PCM1: variants seen among roughly 807,000 people sequenced by gnomAD.
The protein encoded by PCM1 is pericentriolar material 1 protein.
PCM1 carries 157 observed loss-of-function variants against 241.9 expected under a neutral mutation model. That is an observed-to-expected ratio of 0.65 (90% confidence interval 0.57 to 0.74). The LOEUF is 0.74. Among genes scored for constraint, PCM1 ranks in the 30% least tolerant of loss-of-function variants. The pLI is 0.00. For missense variants in PCM1, 3,478 were observed against 2,360.1 expected (o/e 1.47, Z -9.81); for synonymous variants, 1,085 against 784.9 (o/e 1.38, Z -6.39).
chr8:17,955,956 T>A (rs1241604771), intron 10 of PCM1: 1 of 383,358 alleles, frequency 2.6e-6, no homozygotes, highest in Non-Finnish European at 4.9e-6. Flanking sequence ...GGCTGTAGAA[T>A]CAGACAGCCC....
Position 17,990,022 on chromosome 8 carries a change from A to T in PCM1, c.4531+43A>T, listed in dbSNP as rs1300952438. On this transcript the variant is annotated intron_variant, in intron 27 of 38. Coordinates refer to ENST00000325083, the MANE Select transcript of PCM1 (RefSeq NM_006197.4). ...TAATCTTAGAAACAACTTTAAGTTG[A>T]TCTGGTCCAGTCTTTGAATTGGCGT... 31 of 1,466,740 alleles carry T rather than the reference A, an allele frequency of 2.1e-5. No individual in the cohort carries two copies. The Admixed American group carries it at 7.6e-4, about 36-fold the overall frequency. 90.9% of individuals were successfully genotyped at this position (1,466,740 alleles called of 1,614,324 possible).
chr8:17,975,838 A>C (rs111844659), intron 23 of PCM1, among the ~76,000 whole-genome samples: 13 of 152,178 alleles, frequency 8.5e-5, no homozygotes, highest in African/African-American at 2.7e-4. Context: ...TGAGGTAAGA[A>C]TATATAAATT....
intron 18 of PCM1, among the ~76,000 whole-genome samples, chr8:17,965,142 G>A (rs1563991418): frequency 6.6e-6 from 1 of 152,324 alleles, no homozygotes; most frequent in East Asian, 1.9e-4. Context: ...CCAAATGGAA[G>A]AGGTGTGTTA....
At chr8:17,999,261 C>A (rs894335876) in intron 29 of PCM1, among the ~76,000 whole-genome samples, 3 of 152,042 alleles carry the variant, frequency 2.0e-5, no homozygotes, top group Non-Finnish European at 4.4e-5. Context: ...TGGATCTCAC[C>A]TGAAGCCAGA....
chr8:17,925,221 T>G (rs998389805), intron 2 of PCM1: 3 of 152,240 alleles, frequency 2.0e-5, no homozygotes, highest in Non-Finnish European at 4.4e-5. Context: ...ATTACTTTAT[T>G]ATTATTTTTT....
At chr8:17,957,933 A>T (rs1366439757) in intron 13 of PCM1, among the ~76,000 whole-genome samples, 158 bp downstream of exon 13, 6 of 152,242 alleles carry the variant, frequency 3.9e-5, no homozygotes, top group African/African-American at 1.2e-4. Flanking sequence ...TGTATGTCAG[A>T]GGTCAGCAAC....
chr8:18,028,815 A>G lies in PCM1; in HGVS notation c.*1153A>G, dbSNP rs2094380364. 1 of 187,774 alleles carries G rather than the reference A, an allele frequency of 5.3e-6. No individual in the cohort carries two copies. 11.6% of individuals were successfully genotyped at this position (187,774 alleles called of 1,614,324 possible). ...TATTTTAACTTTGTTAACAACTGAA[A>G]TACCCCATAAAAAAAGAACTTGTTG... On this transcript the variant is annotated 3_prime_UTR_variant, in exon 39 of 39. Transcript: ENST00000325083.
chr8:18,007,423 C>A (rs991785084), intron 30 of PCM1, among the ~76,000 whole-genome samples: 9 of 152,126 alleles, frequency 5.9e-5, no homozygotes, highest in Non-Finnish European at 1.2e-4. Flanking sequence ...CTAAGGACTA[C>A]AAAACATTGA....
At chr8:17,946,977 T>C (rs1431264791) in intron 6 of PCM1, among the ~76,000 whole-genome samples, 2 of 152,106 alleles carry the variant, frequency 1.3e-5, no homozygotes, top group Admixed American at 6.6e-5. Flanking sequence ...AGCTTTTTAC[T>C]GTGAAATTAC....
At position 17,947,174 on chromosome 8, in the gene PCM1, C is replaced by A; in HGVS notation, c.784-12C>A. The A allele has an allele frequency of 6.5e-7, 1 of 1,548,376 alleles. No individual in the cohort carries two copies. The highest frequency in any genetic ancestry group is 1.2e-5 in the South Asian group (1 of 82,922). ...ATAGTCAGATACAAGTATTGTTGGTCTTATTTTCCAGGCCAGAGATCCTCA... is the reference window on the plus strand; with the variant it reads ...ATAGTCAGATACAAGTATTGTTGGTATTATTTTCCAGGCCAGAGATCCTCA... On this transcript the variant is annotated splice_polypyrimidine_tract_variant and intron_variant, in intron 6 of 38. Coordinates refer to ENST00000325083, the MANE Select transcript of PCM1 (RefSeq NM_006197.4).
At chr8:17,986,172 G>A in intron 26 of PCM1, 85 bp downstream of exon 26, 2 of 942,608 alleles carry the variant, frequency 2.1e-6, no homozygotes, top group Non-Finnish European at 3.0e-6. Context: ...CAAATTGTAG[G>A]TAGACCTAAT....
At position 18,011,319 on chromosome 8, in the gene PCM1, C is replaced by G; in HGVS notation, c.5303C>G (p.Ser1768Cys). ...CCCAAAAATGTAAGATCTGATATTTCTGATCAAGAGGAAGATGAAGAAAGT... is the reference window on the plus strand; with the variant it reads ...CCCAAAAATGTAAGATCTGATATTTGTGATCAAGAGGAAGATGAAGAAAGT... ...DGPKNVRSDI[S>C]DQEEDEESEG... The change falls in exon 33 of 39, where the codon TCT becomes TGT. Residue 1768 changes from serine (S) to cysteine (C), a missense_variant. Ser to Cys is a moderately radical substitution (Grantham distance 112). Coordinates refer to ENST00000325083, the MANE Select transcript of PCM1 (RefSeq NM_006197.4). 2 of 1,606,140 alleles carry G rather than the reference C, an allele frequency of 1.2e-6. No individual in the cohort carries two copies. Among genetic ancestry groups the G allele is most frequent in the Non-Finnish European group, 1.7e-6 (2 of 1,176,646 alleles).
intron 15 of PCM1, among the ~76,000 whole-genome samples, chr8:17,961,532 C>CA (rs1554672193): frequency 6.6e-6 from 1 of 152,000 alleles, no homozygotes; most frequent in Admixed American, 6.5e-5. Context: ...AAGATGGTCT[C>CA]AGTCTCCTGC....
chr8:17,968,790 G>GT (rs1214939072), intron 21 of PCM1, among the ~76,000 whole-genome samples: 13 of 146,778 alleles, frequency 8.9e-5, no homozygotes, highest in African/African-American at 2.9e-4. Flanking sequence ...ACACCACAGT[G>GT]TTTTTTCTTT....
chr8:17,974,820 A>C (rs371288709), intron 23 of PCM1, among the ~76,000 whole-genome samples: 1 of 151,884 alleles, frequency 6.6e-6, no homozygotes, highest in East Asian at 1.9e-4. Context: ...CTCAACAAGC[A>C]TTCAAGACCA....
chr8:17,976,238 C>G (rs2078725469), intron 23 of PCM1, among the ~76,000 whole-genome samples: 1 of 152,124 alleles, frequency 6.6e-6, no homozygotes, highest in Non-Finnish European at 1.5e-5. Flanking sequence ...AAAAGTAGTC[C>G]AAGGTGCCAT....
chr8:17,961,785 A>C (rs965669322), intron 15 of PCM1, among the ~76,000 whole-genome samples: 1 of 152,160 alleles, frequency 6.6e-6, no homozygotes, highest in Non-Finnish European at 1.5e-5. Context: ...TAAGTATACA[A>C]AATTTTCCAT....
chr8:17,972,543 C>T lies in PCM1; in HGVS notation c.3799C>T (p.Pro1267Ser). Reference sequence around the variant, plus strand: ...GGAAAGCTTTAGCAGTATGCCTGATCCAGTAGATCCAACAACAGTGACTAA... The same window carrying T: ...GGAAAGCTTTAGCAGTATGCCTGATTCAGTAGATCCAACAACAGTGACTAA... ...SLESFSSMPD[P>S]VDPTTVTKTF... The change falls in exon 23 of 39, where the codon CCA becomes TCA. Residue 1267 changes from proline (P) to serine (S), a missense_variant. By Grantham distance (74) the Pro-to-Ser change is moderately conservative. Transcript: ENST00000325083. The T allele has an allele frequency of 6.2e-7, 1 of 1,613,778 alleles. No individual in the cohort carries two copies. Among genetic ancestry groups the T allele is most frequent in the East Asian group, 2.2e-5 (1 of 44,864 alleles).
In PCM1 at chr8:18,027,862, G is replaced by GT. The variant is rs750760537; in HGVS notation, c.*213dup. On this transcript the variant is annotated 3_prime_UTR_variant, in exon 39 of 39. Transcript: ENST00000325083. ...ACAGATTTAAGCCTTGACACACTGTGTTTTTTTTTTTTTCCCCCTTCTTTT... is the reference window on the plus strand; with the variant it reads ...ACAGATTTAAGCCTTGACACACTGTGTTTTTTTTTTTTTTCCCCCTTCTTTT... The GT allele has an allele frequency of 0.14, 40,897 of 293,012 alleles. 1 individual carries two copies. The highest frequency in any genetic ancestry group is 0.22 in the East Asian group (3,967 of 18,404). The allele number at this position is 293,012 out of a possible 1,614,324, so 18.2% of individuals were successfully genotyped here.
Sources: gnomAD v4.1 joint callset for allele counts (sites outside exome capture counted in the v4.1 genomes callset) on GRCh38, gnomAD v4.1.1 for gene constraint, MANE v1.5 for transcripts, NCBI Gene and HGNC (gene_info 2026-07-23, HGNC 2026-07-21) for gene names.